Variants in MAP3K3 observed in about 807,000 individuals in gnomAD.
The protein encoded by MAP3K3 is mitogen-activated protein kinase kinase kinase 3.
In MAP3K3, 12 loss-of-function variants were observed where a neutral mutation model predicts 80.9. That is an observed-to-expected ratio of 0.15 (90% CI 0.10 to 0.24). The LOEUF (loss-of-function observed/expected upper bound fraction) is 0.24. MAP3K3 is among the 10% of genes least tolerant of loss of function. The pLI is 1.00. For synonymous variants in MAP3K3, 272 were observed against 307.1 expected, an observed-to-expected ratio of 0.89 and a Z score of 1.19; for missense variants, 596 against 834.7, an observed-to-expected ratio of 0.71 and a Z score of 3.52.
chr17:63,634,836 T>A, intron 2 of MAP3K3: 1 of 1,548,464 alleles, frequency 6.5e-7, no homozygotes, highest in Non-Finnish European at 8.9e-7. Context: ...AGCCAAAATG[T>A]ACTTTTAAAT....
At chr17:63,668,303 A>G (rs562713859) in intron 6 of MAP3K3, 1 of 152,316 alleles carries the variant, frequency 6.6e-6, no homozygotes, top group Admixed American at 6.5e-5. Flanking sequence ...TGCCTTACTG[A>G]GTAACTTCTG....
In MAP3K3 at chr17:63,681,878, C is replaced by A; in HGVS notation, c.615C>A (p.Ile205=). The A allele has an allele frequency of 6.7e-7, 1 of 1,500,834 alleles. No individual in the cohort carries two copies. Among genetic ancestry groups the A allele is most frequent in the Non-Finnish European group, 9.0e-7 (1 of 1,116,134 alleles). The allele number at this position is 1,500,834 out of a possible 1,614,324, so 93.0% of individuals were successfully genotyped here. The part of the protein sequence containing the change: ...YTSINSEGEF[I]PETSEQCMLD... ...GCATCAACAGTGAGGGGGAGTTCAT[C>A]CCAGAGACCAGCGAGCAGTGCGTGA... The change falls in exon 7 of 16, where the codon ATC becomes ATA. Residue 205 remains isoleucine (I), a synonymous_variant. Coordinates refer to ENST00000361733, the MANE Select transcript of MAP3K3 (RefSeq NM_002401.5).
intron 6 of MAP3K3, among the ~76,000 whole-genome samples, chr17:63,673,612 C>T (rs1224607859): frequency 1.3e-5 from 2 of 152,142 alleles, no homozygotes; most frequent in African/African-American, 2.4e-5. Flanking sequence ...AACCAAGCCT[C>T]AACTAAAGGA....
At position 63,678,445 on chromosome 17, in the gene MAP3K3, C is replaced by T. The variant is rs186658911; in HGVS notation, c.503-3321C>T. The stretch of plus-strand genomic sequence containing the variant: ...TTATCTCAGAATTGGTGGCCTCTAC[C>T]CTGTGAGTGAGATGTTGAGACAGGA... On this transcript the variant is annotated intron_variant, in intron 6 of 15. Transcript: ENST00000361733. Among the ~76,000 whole-genome samples, 15 of 145,224 alleles carry T rather than the reference C, an allele frequency of 1.0e-4. No homozygotes were observed. The East Asian group carries it at 2.9e-3, about 28-fold the overall frequency.
Position 63,693,419 on chromosome 17 carries a change from G to T in MAP3K3, c.1653-130G>T. 1.4e-6 allele frequency: 1 copy of T among 706,332 alleles called. No homozygotes were observed. The highest frequency in any genetic ancestry group is 2.4e-6 in the Non-Finnish European group (1 of 420,016). 43.8% of individuals were successfully genotyped at this position (706,332 alleles called of 1,614,324 possible). A position where few individuals can be genotyped will look rare whatever the true frequency, so the allele number is the denominator to read the frequency against. On this transcript the variant is annotated intron_variant, in intron 15 of 15. Coordinates refer to ENST00000361733, the MANE Select transcript of MAP3K3 (RefSeq NM_002401.5). The surrounding 1 kb of genome is among the most constrained non-coding windows in gnomAD (Gnocchi z 4.2). ...CCACGTGGACAGACATCCAAGCTGA[G>T]GTATCCCTCAGCTTGGCCTGTCCTG...
chr17:63,634,037 CAGA>C (rs1189497616), intron 2 of MAP3K3, among the ~76,000 whole-genome samples: 5 of 152,248 alleles, frequency 3.3e-5, no homozygotes, highest in South Asian at 4.1e-4. Context: ...CATGTTAAAA[CAGA>C]AGGATTAGTT....
chr17:63,692,630 C>T lies in MAP3K3; in HGVS notation c.1652+211C>T, dbSNP rs555944158. On this transcript the variant is annotated intron_variant, in intron 15 of 15. Coordinates refer to ENST00000361733, the MANE Select transcript of MAP3K3 (RefSeq NM_002401.5). This position sits in a 1 kb window ranked among gnomAD's most constrained non-coding sequence, Gnocchi z 4.5. Reference sequence around the variant, plus strand: ...CTCCATTAGAGCTGGGAACTTAGGCCATGGAAAACATCCCTCATGTTTGCT... The same window carrying T: ...CTCCATTAGAGCTGGGAACTTAGGCTATGGAAAACATCCCTCATGTTTGCT... Among the ~76,000 whole-genome samples the T allele has an allele frequency of 6.6e-6, 1 of 152,312 alleles. No homozygotes were observed. Among genetic ancestry groups the T allele is most frequent in the African/African-American group, 2.4e-5 (1 of 41,552 alleles).
intron 6 of MAP3K3, among the ~76,000 whole-genome samples, chr17:63,675,189 C>A (rs1475086292): frequency 2.0e-5 from 3 of 152,036 alleles, no homozygotes; most frequent in Admixed American, 2.0e-4. Context: ...GAAATTCTAC[C>A]CACTACTGTG....
chr17:63,686,093 G>C (rs1273762675), intron 8 of MAP3K3, among the ~76,000 whole-genome samples: 2 of 151,654 alleles, frequency 1.3e-5, no homozygotes, highest in Non-Finnish European at 3.0e-5. Flanking sequence ...GGAAACAAGT[G>C]GTGTCCTTTA....
At chr17:63,661,735 G>A (rs1202425162) in intron 5 of MAP3K3, among the ~76,000 whole-genome samples, 2 of 152,214 alleles carry the variant, frequency 1.3e-5, no homozygotes, top group African/African-American at 4.8e-5. Context: ...TTCAGTCCTT[G>A]TAAAATAGTG....
intron 2 of MAP3K3, chr17:63,634,659 T>A (rs543946292): frequency 2.7e-6 from 4 of 1,457,502 alleles, no homozygotes; most frequent in Non-Finnish European, 3.8e-6. Flanking sequence ...GTCAAACTTA[T>A]GTTGCACGAA....
chr17:63,662,864 G>A (rs993525133), intron 5 of MAP3K3, among the ~76,000 whole-genome samples: 2 of 151,318 alleles, frequency 1.3e-5, no homozygotes, highest in African/African-American at 4.9e-5. Context: ...GGCGGGGGGC[G>A]GTCCTCACCA....
At chr17:63,647,877 GA>G (rs1221454382) in intron 3 of MAP3K3, among the ~76,000 whole-genome samples, 4 of 152,168 alleles carry the variant, frequency 2.6e-5, no homozygotes, top group Non-Finnish European at 5.9e-5. Context: ...GGCCCTTATA[GA>G]ATTAGAATTC....
chr17:63,676,077 GC>G (rs1442549995), intron 6 of MAP3K3, among the ~76,000 whole-genome samples: 8 of 152,324 alleles, frequency 5.3e-5, no homozygotes, highest in African/African-American at 1.9e-4. Flanking sequence ...TCCTCTGATA[GC>G]CACTGGTTTG....
chr17:63,671,669 A>T (rs2035112642), intron 6 of MAP3K3, among the ~76,000 whole-genome samples: 1 of 152,174 alleles, frequency 6.6e-6, no homozygotes, highest in Non-Finnish European at 1.5e-5. Flanking sequence ...TAATGGCTTA[A>T]TGGCATGTGT....
chr17:63,648,947 C>T (rs572669185), intron 3 of MAP3K3, among the ~76,000 whole-genome samples: 3 of 152,224 alleles, frequency 2.0e-5, no homozygotes, highest in Non-Finnish European at 4.4e-5. Context: ...GAATTACCTT[C>T]TTGAGATGTT....
intron 4 of MAP3K3, among the ~76,000 whole-genome samples, chr17:63,656,842 A>G (rs1568135185): frequency 6.6e-6 from 1 of 152,128 alleles, no homozygotes; most frequent in Non-Finnish European, 1.5e-5. Context: ...GGTAATTTAT[A>G]AAGGAAAGAG....
intron 2 of MAP3K3, among the ~76,000 whole-genome samples, chr17:63,642,475 G>T (rs1193550794): frequency 6.6e-6 from 1 of 151,906 alleles, no homozygotes; most frequent in Non-Finnish European, 1.5e-5. Context: ...ACCTGGCCAG[G>T]GGTGAAACCT....
rs373408046 is a variant in MAP3K3, at chr17:63,649,470, C to G, written c.168-3087C>G. On this transcript the variant is annotated intron_variant, in intron 3 of 15. Coordinates refer to ENST00000361733, the MANE Select transcript of MAP3K3 (RefSeq NM_002401.5). ...AAAAGTAGACAGGATCTCTGTTGCT[C>G]AGGCTGGAGTACAGTGGTGTGATCG... Among the ~76,000 whole-genome samples the G allele has an allele frequency of 2.6e-5, 4 of 151,676 alleles. 1 individual carries two copies. In the East Asian group the frequency reaches 7.7e-4, roughly 29 times the overall value.
Sources: allele counts gnomAD v4.1 joint callset (sites outside exome capture counted in the v4.1 genomes callset), GRCh38; gene constraint gnomAD v4.1.1; non-coding constraint Gnocchi (gnomAD v3.1); transcripts MANE v1.5; gene names NCBI Gene and HGNC (gene_info 2026-07-23, HGNC 2026-07-21).